The following SLC25A26 variants were observed in gnomAD, a reference collection of about 807,000 sequenced individuals.
SLC25A26 encodes the protein mitochondrial S-adenosylmethionine carrier protein.
A neutral mutation model predicts 37.8 loss-of-function variants in SLC25A26; 36 were observed. The observed-to-expected ratio is 0.95, with a 90% CI of 0.73 to 1.26. SLC25A26 has a LOEUF of 1.26. SLC25A26 is among the 50% of genes most tolerant of loss of function. The probability of loss-of-function intolerance (pLI) is 0.00; values close to 1 mark genes in which losing one functional copy is unlikely to be tolerated. For synonymous variants in SLC25A26, 129 were observed against 122.5 expected, an observed-to-expected ratio of 1.05 and a Z score of -0.35; for missense variants, 390 against 331.1, an observed-to-expected ratio of 1.18 and a Z score of -1.38.
At chr3:66,315,808 C>T (rs11920512) in intron 5 of SLC25A26, among the ~76,000 whole-genome samples, 1,949 of 152,238 alleles carry the variant, frequency 0.013, 46 homozygotes, top group African/African-American at 0.044. Flanking sequence ...GTATTGGGTC[C>T]ATATATATTT....
At chr3:66,371,204 A>G in intron 9 of SLC25A26, 1 of 1,510,170 alleles carries the variant, frequency 6.6e-7, no homozygotes, top group African/African-American at 1.4e-5. Flanking sequence ...TCTCTTAGGG[A>G]CCATATACCA....
At chr3:66,346,719 T>C (rs997692137) in intron 6 of SLC25A26, among the ~76,000 whole-genome samples, 100 of 83,012 alleles carry the variant, frequency 1.2e-3, no homozygotes, top group Non-Finnish European at 1.3e-3. Context: ...TGTGTGCGTG[T>C]GTGTGTGTGT....
chr3:66,374,254 C>T (rs1287115937), intron 9 of SLC25A26, among the ~76,000 whole-genome samples: 1 of 152,178 alleles, frequency 6.6e-6, no homozygotes, highest in Non-Finnish European at 1.5e-5. Context: ...AGCCCTTTTC[C>T]AATAGCACAT....
intron 5 of SLC25A26, among the ~76,000 whole-genome samples, chr3:66,307,413 CAGATGGAT>C (rs998360023): frequency 1.3e-5 from 2 of 151,084 alleles, no homozygotes; most frequent in Non-Finnish European, 3.0e-5. Flanking sequence ...AACCCTTTGT[CAGATGGAT>C]AGATTGCAAA....
intron 1 of SLC25A26, among the ~76,000 whole-genome samples, chr3:66,145,233 A>G (rs1219862748): frequency 6.6e-6 from 1 of 152,248 alleles, no homozygotes; most frequent in Non-Finnish European, 1.5e-5. Flanking sequence ...CAGATCACAT[A>G]AATGATTACA....
intron 6 of SLC25A26, among the ~76,000 whole-genome samples, chr3:66,360,501 T>C (rs1237439576): frequency 6.6e-6 from 1 of 152,058 alleles, no homozygotes; most frequent in Non-Finnish European, 1.5e-5. Context: ...TTTGATGAGC[T>C]TTATAAAAAA....
intron 2 of SLC25A26, among the ~76,000 whole-genome samples, chr3:66,238,459 T>C (rs1206729737): frequency 6.6e-6 from 1 of 152,158 alleles, no homozygotes; most frequent in Admixed American, 6.5e-5. Flanking sequence ...CTCTGGTCAC[T>C]GCAGCCTCCA....
At chr3:66,143,837 T>C (rs1218924326) in intron 1 of SLC25A26, among the ~76,000 whole-genome samples, 1 of 152,134 alleles carries the variant, frequency 6.6e-6, no homozygotes, top group Non-Finnish European at 1.5e-5. Context: ...GCTGAGATCG[T>C]GCCAGTGCAC....
rs1553688691 is a variant in SLC25A26, at chr3:66,300,251, G to GGT, written c.453+36872_453+36873insGT. Among the ~76,000 whole-genome samples, 117 of 111,610 alleles carry GGT rather than the reference G, an allele frequency of 1.0e-3. 1 individual carries two copies. The highest frequency in any genetic ancestry group is 1.6e-3 in the Non-Finnish European group (85 of 51,944). The allele number at this position is 111,610 out of a possible 152,430, so 73.2% of individuals were successfully genotyped here. ...TGGACTTCTAGGCTAGGGTTTTTTT[G>GGT]TTTTGTTTTTTTTTTTTTTTTTGGT... is the stretch of plus-strand genomic sequence containing the variant. On this transcript the variant is annotated intron_variant, in intron 5 of 9. Coordinates refer to ENST00000354883, the MANE Select transcript of SLC25A26 (RefSeq NM_001379210.1).
intron 5 of SLC25A26, among the ~76,000 whole-genome samples, chr3:66,342,050 C>T (rs971394241): frequency 1.3e-5 from 2 of 151,670 alleles, no homozygotes; most frequent in Admixed American, 6.6e-5. Flanking sequence ...GTTTTGTTGT[C>T]GGTGGGACAG....
intron 9 of SLC25A26, chr3:66,371,448 A>G: frequency 7.2e-7 from 1 of 1,392,420 alleles, no homozygotes; most frequent in Admixed American, 3.1e-5. Flanking sequence ...TTTATAGGAG[A>G]GCAGCACATC....
rs542280679 is a variant in SLC25A26 at position 66,362,971 on chromosome 3, G to A, written c.568+42G>A. 59 of 1,303,316 alleles carry A rather than the reference G, an allele frequency of 4.5e-5. No homozygotes were observed. In the African/African-American group the frequency reaches 6.7e-4, roughly 15 times the overall value. The allele number at this position is 1,303,316 out of a possible 1,614,324, so 80.7% of individuals were successfully genotyped here. A position where few individuals can be genotyped will look rare whatever the true frequency, so the allele number is the denominator to read the frequency against. ...TATACTGGGAAAGACCAAAGAGGGG[G>A]AAAAATGTGAAAATATTAACTATGC... is the stretch of plus-strand genomic sequence containing the variant. On this transcript the variant is annotated intron_variant, in intron 7 of 9. Transcript: ENST00000354883.
intron 5 of SLC25A26, among the ~76,000 whole-genome samples, chr3:66,312,319 G>A (rs1162780695): frequency 6.6e-6 from 1 of 152,114 alleles, no homozygotes; most frequent in Admixed American, 6.5e-5. Flanking sequence ...CAGTAATGGT[G>A]GATGCCCTTC....
In SLC25A26 at chr3:66,338,047, G is replaced by T. The variant is rs914793162; in HGVS notation, c.454-8317G>T. On this transcript the variant is annotated intron_variant, in intron 5 of 9. Coordinates refer to ENST00000354883, the MANE Select transcript of SLC25A26 (RefSeq NM_001379210.1). ...GTTCTCTCATCTTCAGTCCCATTCT[G>T]CCTGCCCAGGTTATTTTTGCCTTTT... is the stretch of plus-strand genomic sequence containing the variant. Among the ~76,000 whole-genome samples, 6 of 151,960 alleles carry T rather than the reference G, an allele frequency of 3.9e-5. 1 individual carries two copies. In the South Asian group the frequency reaches 8.3e-4, roughly 21 times the overall value.
intron 1 of SLC25A26, among the ~76,000 whole-genome samples, chr3:66,198,805 G>A (rs1306412328): frequency 2.0e-5 from 3 of 151,814 alleles, no homozygotes; most frequent in African/African-American, 7.3e-5. Context: ...CGTTCCCAGT[G>A]GCACACTTTG....
At chr3:66,242,567 A>G (rs1391789074) in intron 2 of SLC25A26, among the ~76,000 whole-genome samples, 1 of 152,176 alleles carries the variant, frequency 6.6e-6, no homozygotes, top group Non-Finnish European at 1.5e-5. Context: ...CTTATCTTTT[A>G]TCCAACTGAT....
chr3:66,148,394 G>A (rs1193794201), intron 1 of SLC25A26, among the ~76,000 whole-genome samples: 1 of 152,172 alleles, frequency 6.6e-6, no homozygotes, highest in Non-Finnish European at 1.5e-5. Context: ...AAAGGAATGG[G>A]AACATGTTTC....
chr3:66,312,086 G>A (rs2075394840), intron 5 of SLC25A26, among the ~76,000 whole-genome samples: 1 of 152,176 alleles, frequency 6.6e-6, no homozygotes, highest in South Asian at 2.1e-4. Context: ...CTGAAGCTGT[G>A]CCCACAGCTG....
intron 5 of SLC25A26, among the ~76,000 whole-genome samples, chr3:66,338,780 C>G (rs1045297045): frequency 3.9e-5 from 6 of 151,966 alleles, no homozygotes; most frequent in African/African-American, 1.4e-4. Context: ...GCTTCTATCT[C>G]TATGAATTTG....
Sources: gnomAD v4.1 joint callset for allele counts (sites outside exome capture counted in the v4.1 genomes callset) on GRCh38, gnomAD v4.1.1 for gene constraint, MANE v1.5 for transcripts, NCBI Gene and HGNC (gene_info 2026-07-23, HGNC 2026-07-21) for gene names.